Variants in CLTCL1 observed in about 807,000 individuals in gnomAD.
CLTCL1 encodes clathrin heavy chain like 1.
A neutral mutation model predicts 190.0 loss-of-function variants in CLTCL1; 159 were observed. That is an observed-to-expected ratio of 0.84 (90% CI 0.74 to 0.95). The LOEUF (loss-of-function observed/expected upper bound fraction) is 0.95. Ranked by LOEUF, CLTCL1 falls within the 40% of genes least tolerant of loss-of-function variation. The probability of loss-of-function intolerance (pLI) is 0.00; values close to 1 mark genes in which losing one functional copy is unlikely to be tolerated. For synonymous variants in CLTCL1, 752 were observed against 769.6 expected, an observed-to-expected ratio of 0.98 and a Z score of 0.38; for missense variants, 1,878 against 2,033.4, an observed-to-expected ratio of 0.92 and a Z score of 1.47.
intron 22 of CLTCL1, among the ~76,000 whole-genome samples, chr22:19,204,458 G>A (rs1055819106): frequency 2.0e-5 from 3 of 152,106 alleles, no homozygotes; most frequent in Admixed American, 6.6e-5. Context: ...CACCCACACC[G>A]TTCCAACGCT....
chr22:19,221,310 G>A, intron 17 of CLTCL1, 67 bp downstream of exon 17: 3 of 1,255,796 alleles, frequency 2.4e-6, no homozygotes, highest in Non-Finnish European at 3.3e-6. Flanking sequence ...CTCCCCACAG[G>A]CACACCTTTG....
chr22:19,180,300 G>C, intron 31 of CLTCL1, 62 bp from the exon 32 acceptor site: 1 of 1,555,224 alleles, frequency 6.4e-7, no homozygotes, highest in Non-Finnish European at 8.9e-7. Flanking sequence ...CTGGAGACCC[G>C]CCGGCGTGCT....
chr22:19,208,195 C>T lies in CLTCL1; in HGVS notation c.3559G>A (p.Glu1187Lys). ...TTGTTGGGTCCATTAATAAAATCTT[C>T]TAGCTCAGAAACACGGCTGGTTTTA... ...LAKTSRVSEL[E>K]DFINGPNNAH... Residue 1187 changes from glutamate to lysine, a missense_variant, in exon 22 of 33, where the codon GAA becomes AAA. Glu to Lys is a moderately conservative substitution (Grantham distance 56, BLOSUM62 1). Coordinates refer to ENST00000427926, the MANE Select transcript of CLTCL1 (RefSeq NM_007098.4). 1.2e-6 allele frequency: 2 copies of T among 1,613,880 alleles called. No homozygotes were observed. The highest frequency in any genetic ancestry group is 2.2e-5 in the East Asian group (1 of 44,878).
chr22:19,217,853 GAAA>G (rs535821018), intron 18 of CLTCL1, among the ~76,000 whole-genome samples: 1 of 81,390 alleles, frequency 1.2e-5, no homozygotes, highest in Non-Finnish European at 2.9e-5. Context: ...CTCAAAAAGA[GAAA>G]AAAAAAAAAA....
At chr22:19,236,592 C>T (rs809416) in intron 5 of CLTCL1, among the ~76,000 whole-genome samples, 9,401 of 152,174 alleles carry the variant, frequency 0.062, 348 homozygotes, top group Middle Eastern at 0.16. Context: ...GATTTTACCA[C>T]TGGAAGAGAC....
At chr22:19,289,284 G>GA (rs2088023702) in intron 1 of CLTCL1, among the ~76,000 whole-genome samples, 1 of 152,164 alleles carries the variant, frequency 6.6e-6, no homozygotes, top group South Asian at 2.1e-4. Context: ...TGCTCGGCCT[G>GA]ATTTTATTTT....
intron 2 of CLTCL1, among the ~76,000 whole-genome samples, chr22:19,269,335 G>A (rs1555979373): frequency 2.6e-5 from 4 of 152,100 alleles, no homozygotes; most frequent in African/African-American, 9.7e-5. Flanking sequence ...GGGCAGCAGA[G>A]GTTACAGTGA....
At chr22:19,286,392 C>T (rs1223754462) in intron 1 of CLTCL1, among the ~76,000 whole-genome samples, 1 of 152,024 alleles carries the variant, frequency 6.6e-6, no homozygotes. Flanking sequence ...CAGTGGTAGG[C>T]CAACAGGCAA....
intron 1 of CLTCL1, among the ~76,000 whole-genome samples, chr22:19,278,720 A>G (rs1555984781): frequency 3.3e-5 from 5 of 152,112 alleles, no homozygotes; most frequent in Non-Finnish European, 7.4e-5. Flanking sequence ...CCTGGAGGAC[A>G]CAGATCAGAT....
chr22:19,219,951 C>T lies in CLTCL1; in HGVS notation c.2853G>A (p.Lys951=). ...KSEARYLVCR[K]DPELWAHVLE... The stretch of plus-strand genomic sequence containing the variant: ...GGACGTGAGCCCAGAGCTCCGGATC[C>T]TTTCTGCATACCAGGTAGCGGGCCT... The change falls in exon 18 of 33, where the codon AAG becomes AAA. Residue 951 remains lysine, a synonymous_variant. Transcript: ENST00000427926. 6.2e-7 allele frequency: 1 copy of T among 1,614,062 alleles called. No individual in the cohort carries two copies. The highest frequency in any genetic ancestry group is 2.2e-5 in the East Asian group (1 of 44,888).
chr22:19,240,777 A>G (rs1264972279), intron 4 of CLTCL1, among the ~76,000 whole-genome samples: 1 of 152,198 alleles, frequency 6.6e-6, no homozygotes, highest in Non-Finnish European at 1.5e-5. Context: ...ACGAGAGAAT[A>G]GAATGGGGCT....
intron 22 of CLTCL1, among the ~76,000 whole-genome samples, chr22:19,203,575 C>T (rs1292701581): frequency 1.3e-5 from 2 of 152,164 alleles, no homozygotes; most frequent in African/African-American, 4.8e-5. Flanking sequence ...TCTCCCACCC[C>T]GCTGGCCAGT....
intron 4 of CLTCL1, 55 bp from the exon 5 acceptor site, chr22:19,239,443 G>C (rs2086181921): frequency 3.9e-6 from 5 of 1,288,330 alleles, no homozygotes; most frequent in Non-Finnish European, 4.5e-6. Flanking sequence ...GTGGGCAAGT[G>C]CTAGTCAAGG....
chr22:19,276,894 A>G lies in CLTCL1; in HGVS notation c.43-1064T>C, dbSNP rs561330683. 9.1e-4 allele frequency among the ~76,000 whole-genome samples: 138 copies of G among 151,964 alleles called. 1 individual carries two copies. The highest frequency in any genetic ancestry group is 5.8e-3 in the South Asian group (28 of 4,806). On this transcript the variant is annotated intron_variant, in intron 1 of 32. Transcript: ENST00000427926. ...TCACCGTGTTAGCCAGGATGGTCTC[A>G]ATCTCCTGACCTCGTGATCCGCCCT...
In CLTCL1 at chr22:19,269,877, C is replaced by A. The variant is rs782704017; in HGVS notation, c.250+5746G>T. ...TGGGTTGATAGGGGAAGCAAACTAC[C>A]ATGGCACATGTATACCTATGTAATA... On this transcript the variant is annotated intron_variant, in intron 2 of 32. Transcript: ENST00000427926. Among the ~76,000 whole-genome samples, 54 of 151,720 alleles carry A rather than the reference C, an allele frequency of 3.6e-4. 1 individual carries two copies. The highest frequency in any genetic ancestry group is 8.8e-5 in the Non-Finnish European group (6 of 67,978).
In CLTCL1 at chr22:19,265,098, T is replaced by C. The variant is rs1188867501; in HGVS notation, c.250+10525A>G. Among the ~76,000 whole-genome samples, 9 of 152,268 alleles carry C rather than the reference T, an allele frequency of 5.9e-5. No individual in the cohort carries two copies. In the East Asian group the frequency reaches 9.6e-4, roughly 16 times the overall value. ...GCCACCGTGCCCAGCCGAAATTTGA[T>C]ACAATTTATATCCAAAACACATGAT... On this transcript the variant is annotated intron_variant, in intron 2 of 32. Transcript: ENST00000427926.
intron 1 of CLTCL1, among the ~76,000 whole-genome samples, chr22:19,282,242 T>C (rs2087741710): frequency 1.3e-5 from 2 of 149,924 alleles, no homozygotes; most frequent in African/African-American, 4.9e-5. Context: ...GGCAGGAGAA[T>C]TGCTTCAACC....
chr22:19,278,219 C>A (rs1213539825), intron 1 of CLTCL1, among the ~76,000 whole-genome samples: 6 of 152,064 alleles, frequency 3.9e-5, no homozygotes, highest in Admixed American at 3.9e-4. Flanking sequence ...TCTGGTAGGG[C>A]CTGCCGTCCT....
Position 19,291,690 on chromosome 22 carries a change from G to T in CLTCL1, c.-49C>A, listed in dbSNP as rs926059540. 1.7e-5 allele frequency: 23 copies of T among 1,328,828 alleles called. No individual in the cohort carries two copies. The highest frequency in any genetic ancestry group is 1.1e-4 in the African/African-American group (7 of 65,356). The allele number at this position is 1,328,828 out of a possible 1,614,324, so 82.3% of individuals were successfully genotyped here. On this transcript the variant is annotated 5_prime_UTR_variant, in exon 1 of 33. Coordinates refer to ENST00000427926, the MANE Select transcript of CLTCL1 (RefSeq NM_007098.4). ...GGCGGCGGCAGCGGCAGGAATGAACGCCGACCCCTCGCGCGGGCTGACCGG... is the reference window on the plus strand; with the variant it reads ...GGCGGCGGCAGCGGCAGGAATGAACTCCGACCCCTCGCGCGGGCTGACCGG...
Sources: allele counts gnomAD v4.1 joint callset (sites outside exome capture counted in the v4.1 genomes callset), GRCh38; gene constraint gnomAD v4.1.1; transcripts MANE v1.5; gene names NCBI Gene and HGNC (gene_info 2026-07-23, HGNC 2026-07-21).